Variants in MDGA2 observed in about 807,000 individuals in gnomAD.
MDGA2 encodes the protein MAM domain containing glycosylphosphatidylinositol anchor 2.
Under a neutral mutation model 117.8 loss-of-function variants are expected in MDGA2, and 40 were observed. That is an observed-to-expected ratio of 0.34 (90% confidence interval 0.26 to 0.44). The LOEUF (loss-of-function observed/expected upper bound fraction) is 0.44. Ranked by LOEUF, MDGA2 falls within the 20% of genes least tolerant of loss-of-function variation. MDGA2 has a pLI of 1.00. For missense variants in MDGA2, 1,123 were observed against 1,250.6 expected (o/e 0.90, Z 1.54); for synonymous variants, 452 against 439.0 (o/e 1.03, Z -0.37).
chr14:47,173,329 C>T (rs1335798484), intron 3 of MDGA2, among the ~76,000 whole-genome samples: 1 of 152,052 alleles, frequency 6.6e-6, no homozygotes, highest in East Asian at 1.9e-4. Flanking sequence ...AGAAGAGCAA[C>T]TCCAAGACAC....
At chr14:47,601,652 C>T (rs900830302) in intron 1 of MDGA2, among the ~76,000 whole-genome samples, 4 of 152,028 alleles carry the variant, frequency 2.6e-5, no homozygotes, top group African/African-American at 9.7e-5. Context: ...GAGTTATATA[C>T]ATAGTTGAGA....
chr14:46,922,022 TA>T (rs1159641773), intron 9 of MDGA2, among the ~76,000 whole-genome samples: 1 of 151,868 alleles, frequency 6.6e-6, no homozygotes, highest in Non-Finnish European at 1.5e-5. Flanking sequence ...CCATTCTTAA[TA>T]AAATAAACAA....
intron 5 of MDGA2, among the ~76,000 whole-genome samples, chr14:47,127,970 G>A (rs1010398617): frequency 2.6e-5 from 4 of 152,002 alleles, no homozygotes; most frequent in Non-Finnish European, 4.4e-5. Context: ...CTCCATCTCT[G>A]TGAAAACTAA....
intron 2 of MDGA2, among the ~76,000 whole-genome samples, chr14:47,260,973 T>A (rs1374692340): frequency 6.6e-6 from 1 of 152,052 alleles, no homozygotes; most frequent in African/African-American, 2.4e-5. Context: ...TTATTTAAAG[T>A]GGTTAGCATT....
intron 2 of MDGA2, among the ~76,000 whole-genome samples, chr14:47,224,330 T>TAGATATAGATATAGATATAGATA (rs1566688963): frequency 1.6e-4 from 25 of 151,950 alleles, no homozygotes; most frequent in Admixed American, 3.3e-4. Context: ...GATATAGATA[T>TAGATATAGATATAGATATAGATA]TTCCTGAAAC....
At chr14:47,163,759 T>C (rs1264569029) in intron 3 of MDGA2, among the ~76,000 whole-genome samples, 1 of 152,224 alleles carries the variant, frequency 6.6e-6, no homozygotes, top group East Asian at 1.9e-4. Flanking sequence ...TCTAGTCCCA[T>C]AATTCATTGG....
intron 9 of MDGA2, among the ~76,000 whole-genome samples, chr14:46,944,338 G>C (rs1885097384): frequency 6.6e-6 from 1 of 151,880 alleles, no homozygotes; most frequent in African/African-American, 2.4e-5. Context: ...GAAAGTAATT[G>C]TCATACATAT....
chr14:47,605,252 C>T (rs12589312), intron 1 of MDGA2, among the ~76,000 whole-genome samples: 60,752 of 151,918 alleles, frequency 0.4, 12,816 homozygotes, highest in East Asian at 0.71. Context: ...AAATTTTCAA[C>T]GAGACAGATG....
At chr14:47,343,779 T>C (rs563084122) in intron 1 of MDGA2, among the ~76,000 whole-genome samples, 2 of 152,260 alleles carry the variant, frequency 1.3e-5, no homozygotes, top group South Asian at 4.1e-4. Flanking sequence ...TTTTCTTCTG[T>C]ATTCAAACAT....
intron 10 of MDGA2, among the ~76,000 whole-genome samples, chr14:46,913,899 C>G (rs1401686276): frequency 6.6e-6 from 1 of 151,850 alleles, no homozygotes; most frequent in Non-Finnish European, 1.5e-5. Flanking sequence ...ATTTTATTGA[C>G]TGAATGGGAG....
At chr14:47,186,318 T>C (rs1222916564) in intron 3 of MDGA2, among the ~76,000 whole-genome samples, 2 of 151,716 alleles carry the variant, frequency 1.3e-5, no homozygotes, top group African/African-American at 4.8e-5. Context: ...TAATTTTAAT[T>C]TATTAATTTT....
At chr14:46,967,637 A>G (rs534570338) in intron 8 of MDGA2, among the ~76,000 whole-genome samples, 1 of 152,168 alleles carries the variant, frequency 6.6e-6, no homozygotes, top group South Asian at 2.1e-4. Flanking sequence ...CATCTTTTCT[A>G]TTTGGCTGTT....
chr14:47,404,292 TC>T (rs1892216120), intron 1 of MDGA2, among the ~76,000 whole-genome samples: 1 of 151,790 alleles, frequency 6.6e-6, no homozygotes, highest in South Asian at 2.1e-4. Context: ...GTCAAGTGAC[TC>T]TCGTGCCTCA....
At chr14:47,417,271 T>C (rs1308482415) in intron 1 of MDGA2, among the ~76,000 whole-genome samples, 1 of 152,218 alleles carries the variant, frequency 6.6e-6, no homozygotes, top group African/African-American at 2.4e-5. Flanking sequence ...ACTCAACATT[T>C]TGCTGGAAAT....
chr14:47,470,705 T>A (rs1198638903), intron 1 of MDGA2, among the ~76,000 whole-genome samples: 1 of 152,118 alleles, frequency 6.6e-6, no homozygotes, highest in Admixed American at 6.6e-5. Context: ...TCTTCCACAA[T>A]GGTTGAACTA....
intron 3 of MDGA2, among the ~76,000 whole-genome samples, chr14:47,172,098 G>C (rs1180652194): frequency 6.6e-6 from 1 of 152,124 alleles, no homozygotes; most frequent in Non-Finnish European, 1.5e-5. Context: ...TGGGGGAGGG[G>C]CACCCACCAT....
chr14:47,029,021 C>A (rs1321713556), intron 8 of MDGA2, among the ~76,000 whole-genome samples: 21 of 152,044 alleles, frequency 1.4e-4, no homozygotes, highest in Admixed American at 1.4e-3. Context: ...TAGAAAATCA[C>A]AAAATTGTTA....
intron 1 of MDGA2, among the ~76,000 whole-genome samples, chr14:47,418,232 C>T (rs553077881): frequency 6.6e-5 from 10 of 151,984 alleles, no homozygotes; most frequent in Non-Finnish European, 1.0e-4. Context: ...ATTACAGGTG[C>T]GTGCCACCAC....
At chr14:47,613,297 C>A (rs1254086538) in intron 1 of MDGA2, among the ~76,000 whole-genome samples, 1 of 152,098 alleles carries the variant, frequency 6.6e-6, no homozygotes, top group Admixed American at 6.5e-5. Context: ...AAAACATATC[C>A]TATTCAAATG....
Sources: gnomAD v4.1 joint callset for allele counts (sites outside exome capture counted in the v4.1 genomes callset) on GRCh38, gnomAD v4.1.1 for gene constraint, MANE v1.5 for transcripts, NCBI Gene and HGNC (gene_info 2026-07-23, HGNC 2026-07-21) for gene names.